NT5DC1: variants seen among roughly 807,000 people sequenced by gnomAD.
NT5DC1 encodes the protein 5'-nucleotidase domain-containing protein 1.
In NT5DC1, 42 loss-of-function variants were observed where a neutral mutation model predicts 59.4. That is an observed-to-expected ratio of 0.71 (90% CI 0.55 to 0.92). The LOEUF (loss-of-function observed/expected upper bound fraction) is 0.92, where lower values mean the gene tolerates loss of function less well. Ranked by LOEUF, NT5DC1 falls within the 40% of genes least tolerant of loss-of-function variation. NT5DC1 has a pLI of 0.00. For missense variants in NT5DC1, 501 were observed against 537.1 expected, an observed-to-expected ratio of 0.93 and a Z score of 0.66; for synonymous variants, 172 against 188.1, an observed-to-expected ratio of 0.91 and a Z score of 0.70.
At chr6:116,243,884 A>G (rs938534639) in intron 11 of NT5DC1, 25 bp from the exon 12 acceptor site, 2 of 887,142 alleles carry the variant, frequency 2.3e-6, no homozygotes, top group African/African-American at 3.4e-5. Context: ...CCTGTGCAAT[A>G]ATTAAATTTT....
intron 6 of NT5DC1, among the ~76,000 whole-genome samples, chr6:116,200,247 C>T (rs1781320926): frequency 1.3e-5 from 2 of 151,834 alleles, no homozygotes; most frequent in African/African-American, 4.8e-5. Flanking sequence ...GTCAAAGTTA[C>T]CAAAAACAGG....
chr6:116,206,185 C>T (rs569059520), intron 6 of NT5DC1, among the ~76,000 whole-genome samples: 1 of 151,974 alleles, frequency 6.6e-6, no homozygotes, highest in Non-Finnish European at 1.5e-5. Flanking sequence ...CAGGGCAATT[C>T]CATGATGCAG....
chr6:116,189,513 G>A (rs1781073896), intron 6 of NT5DC1, among the ~76,000 whole-genome samples: 1 of 151,880 alleles, frequency 6.6e-6, no homozygotes, highest in Non-Finnish European at 1.5e-5. Flanking sequence ...TATTTAGGAG[G>A]AGAAGACACA....
intron 6 of NT5DC1, chr6:116,125,533 A>G (rs1325604296): frequency 1.1e-5 from 17 of 1,601,436 alleles, no homozygotes; most frequent in Non-Finnish European, 1.5e-5. Flanking sequence ...GAATAACTTT[A>G]TACAGCATTG....
intron 6 of NT5DC1, among the ~76,000 whole-genome samples, chr6:116,127,476 CAA>C: frequency 6.6e-6 from 1 of 151,910 alleles, no homozygotes; most frequent in South Asian, 2.1e-4. Context: ...TTTAGAATAA[CAA>C]AATAGGAAAG....
In NT5DC1 at chr6:116,161,505, C is replaced by T. The variant is rs181134907; in HGVS notation, c.529+43560C>T. On this transcript the variant is annotated intron_variant, in intron 6 of 11. Coordinates refer to ENST00000319550, the MANE Select transcript of NT5DC1 (RefSeq NM_152729.3). ...TTTATTGAGTAGGGTATCCTTTCCC[C>T]ATTGTTTATTTTTGTTGACTTTGTT... Among the ~76,000 whole-genome samples the T allele has an allele frequency of 2.2e-4, 34 of 152,034 alleles. No individual in the cohort carries two copies. In the East Asian group the frequency reaches 5.4e-3, roughly 24 times the overall value.
chr6:116,201,460 T>G (rs906525122), intron 6 of NT5DC1, among the ~76,000 whole-genome samples: 1 of 152,016 alleles, frequency 6.6e-6, no homozygotes, highest in African/African-American at 2.4e-5. Context: ...TGGAGAAGAA[T>G]TGACCAATCA....
intron 6 of NT5DC1, 126 bp from the exon 7 acceptor site, chr6:116,220,928 C>T (rs750834947): frequency 5.5e-5 from 31 of 561,450 alleles, no homozygotes; most frequent in Admixed American, 2.5e-4. Context: ...ATTGCTAGGT[C>T]GGTCAAACCT....
chr6:116,223,386 G>A (rs1050914514), intron 8 of NT5DC1, among the ~76,000 whole-genome samples: 2 of 152,142 alleles, frequency 1.3e-5, no homozygotes, highest in East Asian at 1.9e-4. Flanking sequence ...TAAATGCCTC[G>A]ATAAATATTT....
At chr6:116,174,221 C>T (rs902695582) in intron 6 of NT5DC1, among the ~76,000 whole-genome samples, 12 of 152,204 alleles carry the variant, frequency 7.9e-5, no homozygotes, top group African/African-American at 2.9e-4. Context: ...TCTTATTCCC[C>T]TTTGCATACT....
intron 11 of NT5DC1, among the ~76,000 whole-genome samples, chr6:116,241,571 T>C (rs1203811501): frequency 6.6e-6 from 1 of 152,178 alleles, no homozygotes; most frequent in East Asian, 1.9e-4. Flanking sequence ...TATACCAAGC[T>C]AATATGTAAA....
At chr6:116,241,935 A>C (rs1771735484) in intron 11 of NT5DC1, among the ~76,000 whole-genome samples, 1 of 25,420 alleles carries the variant, frequency 3.9e-5, no homozygotes, top group African/African-American at 1.3e-4. Context: ...AAAAAAAAAA[A>C]AAACAAAACA....
chr6:116,106,292 G>A lies in NT5DC1; in HGVS notation c.142G>A (p.Asp48Asn), dbSNP rs1048561362. The change falls in exon 2 of 12, where the codon GAT becomes AAT. Residue 48 changes from aspartate to asparagine, a missense_variant. By Grantham distance (23) the Asp-to-Asn change is conservative (BLOSUM62 1). Coordinates refer to ENST00000319550, the MANE Select transcript of NT5DC1 (RefSeq NM_152729.3). ...AQFLVKEKGYDKELLNVTPED... is the reference protein window; with the variant it reads ...AQFLVKEKGYNKELLNVTPED... Reference sequence around the variant, plus strand: ...GTTCCTAGTTAAGGAGAAAGGGTACGATAAGGAATTGCTCAATGTGACCCC... The same window carrying A: ...GTTCCTAGTTAAGGAGAAAGGGTACAATAAGGAATTGCTCAATGTGACCCC... The A allele has an allele frequency of 2.0e-5, 32 of 1,591,720 alleles. No homozygotes were observed. The highest frequency in any genetic ancestry group is 6.7e-5 in the East Asian group (3 of 44,710).
intron 6 of NT5DC1, among the ~76,000 whole-genome samples, chr6:116,188,348 A>G (rs1381762893): frequency 6.6e-6 from 1 of 152,086 alleles, no homozygotes; most frequent in Non-Finnish European, 1.5e-5. Context: ...AATATATACC[A>G]TCCAGAATGT....
chr6:116,205,547 C>T (rs913892559), intron 6 of NT5DC1, among the ~76,000 whole-genome samples: 22 of 151,992 alleles, frequency 1.4e-4, no homozygotes, highest in African/African-American at 5.3e-4. Context: ...AGCATCTGAT[C>T]TTGCTAGACC....
intron 6 of NT5DC1, among the ~76,000 whole-genome samples, chr6:116,182,127 C>A (rs1204195880): frequency 6.6e-6 from 1 of 151,900 alleles, no homozygotes; most frequent in Non-Finnish European, 1.5e-5. Context: ...GTTTTCCATT[C>A]CTGAGTTACT....
intron 4 of NT5DC1, among the ~76,000 whole-genome samples, chr6:116,114,523 G>T (rs1778929493): frequency 1.2e-5 from 1 of 86,044 alleles, no homozygotes; most frequent in Non-Finnish European, 2.2e-5. Context: ...TACATAGCTT[G>T]CAAATTGGGG....
intron 1 of NT5DC1, among the ~76,000 whole-genome samples, chr6:116,102,947 C>A (rs1207229733): frequency 1.3e-5 from 2 of 152,238 alleles, no homozygotes; most frequent in Admixed American, 6.5e-5. Context: ...CCCATCAGGC[C>A]TCATCTTAAA....
intron 6 of NT5DC1, among the ~76,000 whole-genome samples, chr6:116,149,811 T>C (rs1182660037): frequency 6.6e-6 from 1 of 152,202 alleles, no homozygotes; most frequent in African/African-American, 2.4e-5. Flanking sequence ...TAGAAATCTT[T>C]TTAATGAGTC....
Sources: gnomAD v4.1 joint callset for allele counts (sites outside exome capture counted in the v4.1 genomes callset) on GRCh38, gnomAD v4.1.1 for gene constraint, MANE v1.5 for transcripts, NCBI Gene and HGNC (gene_info 2026-07-23, HGNC 2026-07-21) for gene names.